FOXO3: variants seen among roughly 807,000 people sequenced by gnomAD.
FOXO3 encodes the protein forkhead box protein O3.
Under a neutral mutation model 41.9 loss-of-function variants are expected in FOXO3, and 4 were observed. That is an observed-to-expected ratio of 0.10 (90% CI 0.05 to 0.22). FOXO3 has a LOEUF of 0.22. Among genes scored for constraint, FOXO3 ranks in the 10% least tolerant of loss-of-function variants. The pLI is 1.00. For missense variants in FOXO3, 534 were observed against 906.8 expected (o/e 0.59, Z 5.28); for synonymous variants, 318 against 389.3 (o/e 0.82, Z 2.16).
chr6:108,617,843 G>A (rs1460615208), intron 1 of FOXO3, among the ~76,000 whole-genome samples: 1 of 152,176 alleles, frequency 6.6e-6, no homozygotes, highest in Non-Finnish European at 1.5e-5. Context: ...TTACTTTTAT[G>A]TACAGTAAAA....
upstream of FOXO3, chr6:108,560,779 C>A: frequency 3.3e-6 from 1 of 307,460 alleles, no homozygotes; most frequent in Non-Finnish European, 5.8e-6. Flanking sequence ...GCCGCCCCTC[C>A]CCCGGGCGCC....
intron 1 of FOXO3, among the ~76,000 whole-genome samples, chr6:108,617,138 A>G (rs1226004534): frequency 6.6e-6 from 1 of 152,184 alleles, no homozygotes; most frequent in Non-Finnish European, 1.5e-5. Flanking sequence ...CTTTGGGTAT[A>G]TGCCTAGGAG....
intron 2 of FOXO3, among the ~76,000 whole-genome samples, chr6:108,677,744 C>T (rs756077582): frequency 9.9e-5 from 15 of 152,164 alleles, no homozygotes; most frequent in East Asian, 1.9e-4. Flanking sequence ...GCCTGTGAAA[C>T]GCTATCTAAT....
intron 1 of FOXO3, among the ~76,000 whole-genome samples, chr6:108,629,612 T>C (rs1325582776): frequency 2.0e-5 from 3 of 152,222 alleles, no homozygotes; most frequent in Non-Finnish European, 4.4e-5. Flanking sequence ...AGTTAGCTGA[T>C]ATTTTTGCTT....
At chr6:108,668,786 A>G (rs1779129983) in intron 2 of FOXO3, among the ~76,000 whole-genome samples, 1 of 152,156 alleles carries the variant, frequency 6.6e-6, no homozygotes, top group Non-Finnish European at 1.5e-5. Context: ...TCATTTGTCA[A>G]AAGAAGACAG....
At chr6:108,662,177 G>A (rs939708834) in intron 1 of FOXO3, among the ~76,000 whole-genome samples, 2 of 152,036 alleles carry the variant, frequency 1.3e-5, no homozygotes, top group Non-Finnish European at 2.9e-5. Flanking sequence ...TTTTGTAAAT[G>A]TCCCTTAATT....
At chr6:108,656,281 CAT>C in intron 1 of FOXO3, 1 of 670,474 alleles carries the variant, frequency 1.5e-6, no homozygotes, top group Non-Finnish European at 1.8e-6. Flanking sequence ...ATTGATACCA[CAT>C]GTTGCTTCCA....
chr6:108,648,679 A>G (rs965513738), intron 1 of FOXO3, among the ~76,000 whole-genome samples: 4 of 152,104 alleles, frequency 2.6e-5, no homozygotes, highest in Non-Finnish European at 5.9e-5. Context: ...TCAGTTCACA[A>G]GCTAAAGCAG....
At chr6:108,616,748 T>A (rs978049944) in intron 1 of FOXO3, among the ~76,000 whole-genome samples, 4 of 152,222 alleles carry the variant, frequency 2.6e-5, no homozygotes, top group African/African-American at 9.6e-5. Flanking sequence ...TAGAATACTT[T>A]CGTCACCCCA....
In FOXO3 at chr6:108,572,775, C is replaced by T. The variant is rs1399632437; in HGVS notation, c.621+10946C>T. Among the ~76,000 whole-genome samples the T allele has an allele frequency of 3.9e-5, 6 of 152,070 alleles. No individual in the cohort carries two copies. In the East Asian group the frequency reaches 5.8e-4, roughly 15 times the overall value. On this transcript the variant is annotated intron_variant, in intron 1 of 2. Transcript: ENST00000406360. ...GATTTATTGAGCCCTTATTATGTGCCCGTTACTCAACTAGGTTTTTTATGT... is the reference window on the plus strand; with the variant it reads ...GATTTATTGAGCCCTTATTATGTGCTCGTTACTCAACTAGGTTTTTTATGT...
intron 1 of FOXO3, among the ~76,000 whole-genome samples, chr6:108,601,420 C>G (rs1777051639): frequency 6.6e-6 from 1 of 152,202 alleles, no homozygotes; most frequent in Non-Finnish European, 1.5e-5. Flanking sequence ...TCTCCTGCCT[C>G]ACCCTCCCGA....
intron 1 of FOXO3, among the ~76,000 whole-genome samples, chr6:108,598,611 C>G (rs1458235729): frequency 1.3e-5 from 2 of 152,074 alleles, no homozygotes; most frequent in African/African-American, 4.8e-5. Flanking sequence ...TTTAAAAGGT[C>G]TGGGGCTGTA....
At chr6:108,612,699 A>T (rs1216568088) in intron 1 of FOXO3, among the ~76,000 whole-genome samples, 2 of 152,204 alleles carry the variant, frequency 1.3e-5, no homozygotes, top group African/African-American at 4.8e-5. Flanking sequence ...AATAAAAAAA[A>T]AATTTTTTTT....
At chr6:108,583,553 A>G (rs552247905) in intron 1 of FOXO3, among the ~76,000 whole-genome samples, 13 of 152,348 alleles carry the variant, frequency 8.5e-5, no homozygotes, top group African/African-American at 3.1e-4. Flanking sequence ...ACCAGTCTTA[A>G]TGCTGGGCAA....
chr6:108,671,297 C>T (rs570112435), intron 2 of FOXO3, among the ~76,000 whole-genome samples: 66 of 152,326 alleles, frequency 4.3e-4, no homozygotes, highest in African/African-American at 1.6e-3. Flanking sequence ...ATTTCTAGAG[C>T]TGGTGAGTTC....
At chr6:108,565,311 TCTC>T (rs1354647993) in intron 1 of FOXO3, among the ~76,000 whole-genome samples, 2 of 152,202 alleles carry the variant, frequency 1.3e-5, no homozygotes, top group Non-Finnish European at 2.9e-5. Flanking sequence ...ATGATGACTA[TCTC>T]ACAGGTTCCC....
intron 1 of FOXO3, among the ~76,000 whole-genome samples, chr6:108,563,300 C>G (rs1228577356): frequency 6.6e-6 from 1 of 152,200 alleles, no homozygotes; most frequent in Non-Finnish European, 1.5e-5. Context: ...TGATATTAAT[C>G]CACTAATGTG....
chr6:108,618,206 G>C, intron 1 of FOXO3: 1 of 913,496 alleles, frequency 1.1e-6, no homozygotes, highest in East Asian at 2.4e-5. Flanking sequence ...CTGCACCACA[G>C]AACCACCCTG....
chr6:108,673,182 A>G (rs1030127548), intron 2 of FOXO3, among the ~76,000 whole-genome samples: 3 of 152,218 alleles, frequency 2.0e-5, no homozygotes, highest in African/African-American at 7.2e-5. Context: ...CCGAGTAACA[A>G]AAGCCAAAGC....
Sources: gnomAD v4.1 joint callset for allele counts (sites outside exome capture counted in the v4.1 genomes callset) on GRCh38, gnomAD v4.1.1 for gene constraint, MANE v1.5 for transcripts, NCBI Gene and HGNC (gene_info 2026-07-23, HGNC 2026-07-21) for gene names.